The following SERBP1 variants were observed in gnomAD, a reference collection of about 807,000 sequenced individuals.
SERBP1 encodes the protein SERPINE1 mRNA binding protein 1.
A neutral mutation model predicts 50.2 loss-of-function variants in SERBP1; 6 were observed. The observed-to-expected ratio is 0.12, with a 90% CI of 0.07 to 0.24. SERBP1 has a LOEUF of 0.24. SERBP1 is among the 10% of genes least tolerant of loss of function. The pLI is 1.00. For synonymous variants in SERBP1, 168 were observed against 182.8 expected (o/e 0.92, Z 0.65); for missense variants, 346 against 524.9 (o/e 0.66, Z 3.33).
At chr1:67,423,902 G>C (rs910420322) in intron 5 of SERBP1, among the ~76,000 whole-genome samples, 14 of 152,138 alleles carry the variant, frequency 9.2e-5, no homozygotes, top group African/African-American at 3.4e-4. Context: ...TCTTTTAAGG[G>C]CTGGGTGCAG....
At chr1:67,425,883 T>C (rs538311559) in intron 2 of SERBP1, among the ~76,000 whole-genome samples, 4 of 152,338 alleles carry the variant, frequency 2.6e-5, no homozygotes, top group African/African-American at 9.6e-5. Flanking sequence ...AATCCCAATA[T>C]TGCAGGAGGA....
Position 67,408,100 on chromosome 1 carries a change from A to G in SERBP1, c.*5107T>C, listed in dbSNP as rs779287976. 1 of 152,218 alleles carries G rather than the reference A, an allele frequency of 6.6e-6. No homozygotes were observed. The highest frequency in any genetic ancestry group is 1.5e-5 in the Non-Finnish European group (1 of 68,050). The allele number at this position is 152,218 out of a possible 1,614,324, so 9.4% of individuals were successfully genotyped here. A position where few individuals can be genotyped will look rare whatever the true frequency, so the allele number is the denominator to read the frequency against. ...CACTTTCCCTACTCAGTAATACATA[A>G]AAATCCTTAATATTAGCCCTTCACT... On this transcript the variant is annotated 3_prime_UTR_variant, in exon 8 of 8. Transcript: ENST00000361219.
At chr1:67,424,715 A>G (rs978363943) in intron 4 of SERBP1, among the ~76,000 whole-genome samples, 173 bp downstream of exon 4, 1 of 152,130 alleles carries the variant, frequency 6.6e-6, no homozygotes, top group South Asian at 2.1e-4. Context: ...ATATTAAAAA[A>G]CCGGTCATTC....
At chr1:67,425,325 A>C in intron 2 of SERBP1, 102 bp from the exon 3 acceptor site, 1 of 1,109,132 alleles carries the variant, frequency 9.0e-7, no homozygotes, top group Non-Finnish European at 1.3e-6. Flanking sequence ...CTGGCTCAAA[A>C]ACCAATAGTT....
rs1666852283 is a variant in SERBP1, at chr1:67,411,780, G to GT, written c.*1426dup. The stretch of plus-strand genomic sequence containing the variant: ...CAGGTAGAACATTTCTAAAAATGAC[G>GT]TGACAAACAATTCTTAAAAATTTTT... On this transcript the variant is annotated 3_prime_UTR_variant, in exon 8 of 8. Transcript: ENST00000361219. 6.6e-6 allele frequency: 1 copy of GT among 152,116 alleles called. No homozygotes were observed. Among genetic ancestry groups the GT allele is most frequent in the Non-Finnish European group, 1.5e-5 (1 of 68,000 alleles). 9.4% of individuals were successfully genotyped at this position (152,116 alleles called of 1,614,324 possible). A position where few individuals can be genotyped will look rare whatever the true frequency, so the allele number is the denominator to read the frequency against.
At chr1:67,425,329 AAT>A in intron 2 of SERBP1, 106 bp from the exon 3 acceptor site, 1 of 1,033,304 alleles carries the variant, frequency 9.7e-7, no homozygotes, top group Non-Finnish European at 1.4e-6. Flanking sequence ...CTCAAAAACC[AAT>A]AGTTAAATAC....
At chr1:67,424,352 T>C (rs1667302021) in intron 4 of SERBP1, 75 bp from the exon 5 acceptor site, 6 of 1,565,874 alleles carry the variant, frequency 3.8e-6, no homozygotes, top group Non-Finnish European at 5.2e-6. Flanking sequence ...GAAAGGCATC[T>C]AGGTCCATTT....
Position 67,410,907 on chromosome 1 carries a change from C to T in SERBP1, c.*2300G>A, listed in dbSNP as rs531920259. The stretch of plus-strand genomic sequence containing the variant: ...AGTACCCTTCCCAAATGTGATTCAA[C>T]AGCCTGGTTTTTAGCAAATAAAAAC... On this transcript the variant is annotated 3_prime_UTR_variant, in exon 8 of 8. Coordinates refer to ENST00000361219, the MANE Select transcript of SERBP1 (RefSeq NM_001018069.2). The T allele has an allele frequency of 6.6e-6, 1 of 152,232 alleles. No homozygotes were observed. The highest frequency in any genetic ancestry group is 1.9e-4 in the East Asian group (1 of 5,182). 9.4% of individuals were successfully genotyped at this position (152,232 alleles called of 1,614,324 possible). A position where few individuals can be genotyped will look rare whatever the true frequency, so the allele number is the denominator to read the frequency against.
intron 1 of SERBP1, among the ~76,000 whole-genome samples, chr1:67,426,756 A>C (rs1667397958): frequency 6.6e-6 from 1 of 152,092 alleles, no homozygotes; most frequent in African/African-American, 2.4e-5. Context: ...CAACACACTC[A>C]CTAGATATGG....
chr1:67,418,204 A>G (rs1667086844), intron 6 of SERBP1, among the ~76,000 whole-genome samples: 2 of 149,706 alleles, frequency 1.3e-5, no homozygotes, highest in Admixed American at 1.3e-4. Context: ...TGAACTCCCG[A>G]CCTCAGGTGA....
chr1:67,410,708 C>T lies in SERBP1; in HGVS notation c.*2499G>A, dbSNP rs1666808589. On this transcript the variant is annotated 3_prime_UTR_variant, in exon 8 of 8. Transcript: ENST00000361219. ...TCTTTATCTGTTTAGGGATTTTTCC[C>T]CTAGACTATTATAGCCAGTTTGTCA... 1 of 152,068 alleles carries T rather than the reference C, an allele frequency of 6.6e-6. No homozygotes were observed. The highest frequency in any genetic ancestry group is 6.5e-5 in the Admixed American group (1 of 15,274). 9.4% of individuals were successfully genotyped at this position (152,068 alleles called of 1,614,324 possible). A position where few individuals can be genotyped will look rare whatever the true frequency, so the allele number is the denominator to read the frequency against.
intron 7 of SERBP1, 125 bp from the exon 8 acceptor site, chr1:67,413,388 C>T: frequency 2.4e-6 from 2 of 839,960 alleles, no homozygotes; most frequent in Admixed American, 7.7e-5. Context: ...GTGGCTCACA[C>T]CTGTAATCCC....
chr1:67,423,847 T>C (rs1191306431), intron 5 of SERBP1, among the ~76,000 whole-genome samples: 1 of 152,174 alleles, frequency 6.6e-6, no homozygotes, highest in African/African-American at 2.4e-5. Context: ...ATTAAAATAT[T>C]CTATTTTTCA....
Position 67,430,086 on chromosome 1 carries a change from T to C in SERBP1, c.215A>G (p.Lys72Arg), listed in dbSNP as rs773507471. ...NSNAAGKQLR[K>R]ESQKDRKNPL... The stretch of plus-strand genomic sequence containing the variant: ...GTTCTTGCGGTCTTTCTGGGACTCC[T>C]TGCGCAGCTGTTTGCCTGCCGCGTT... The change falls in exon 1 of 8, where the codon AAG becomes AGG. Residue 72 changes from lysine to arginine, a missense_variant. Physicochemically the swap from Lys to Arg is conservative, Grantham distance 26. Transcript: ENST00000361219. 82 of 1,613,204 alleles carry C rather than the reference T, an allele frequency of 5.1e-5. No individual in the cohort carries two copies. Among genetic ancestry groups the C allele is most frequent in the Non-Finnish European group, 6.9e-5 (82 of 1,179,874 alleles).
At position 67,411,685 on chromosome 1, in the gene SERBP1, CCAAT is replaced by C. The variant is rs983811808; in HGVS notation, c.*1518_*1521del. The C allele has an allele frequency of 2.0e-4, 30 of 152,042 alleles. No homozygotes were observed. Among genetic ancestry groups the C allele is most frequent in the African/African-American group, 7.2e-4 (30 of 41,402 alleles). 9.4% of individuals were successfully genotyped at this position (152,042 alleles called of 1,614,324 possible). ...TTTCTTTTAGAAGTATATGTGAGAA[CCAAT>C]CAGCTAAATAGAAATGTTTAAGATT... On this transcript the variant is annotated 3_prime_UTR_variant, in exon 8 of 8. Transcript: ENST00000361219.
At chr1:67,416,963 T>C (rs1441095261) in intron 6 of SERBP1, among the ~76,000 whole-genome samples, 4 of 152,086 alleles carry the variant, frequency 2.6e-5, no homozygotes, top group African/African-American at 7.2e-5. Flanking sequence ...CAACCAACCA[T>C]ATAACAATAA....
At chr1:67,418,147 G>C (rs1234060484) in intron 6 of SERBP1, among the ~76,000 whole-genome samples, 1 of 144,176 alleles carries the variant, frequency 6.9e-6, no homozygotes, top group Non-Finnish European at 1.5e-5. Flanking sequence ...GGCTAATTTT[G>C]TATCTTTAGT....
At chr1:67,417,492 G>A (rs1234115662) in intron 6 of SERBP1, among the ~76,000 whole-genome samples, 4 of 151,798 alleles carry the variant, frequency 2.6e-5, no homozygotes, top group Non-Finnish European at 2.9e-5. Flanking sequence ...TAAAGTCAGG[G>A]CAGGGGGATC....
intron 5 of SERBP1, among the ~76,000 whole-genome samples, chr1:67,421,984 G>T (rs920491748): frequency 3.9e-5 from 6 of 152,138 alleles, no homozygotes; most frequent in African/African-American, 1.4e-4. Context: ...ACTTAACGTT[G>T]CATAGGGTTC....
Sources: gnomAD v4.1 joint callset for allele counts (sites outside exome capture counted in the v4.1 genomes callset) on GRCh38, gnomAD v4.1.1 for gene constraint, MANE v1.5 for transcripts, NCBI Gene and HGNC (gene_info 2026-07-23, HGNC 2026-07-21) for gene names.